The following DGKI variants were observed in gnomAD, a reference collection of about 807,000 sequenced individuals.
The protein encoded by DGKI is DAG kinase iota.
In DGKI, 55 loss-of-function variants were observed where a neutral mutation model predicts 147.5. The observed-to-expected ratio is 0.37, with a 90% CI of 0.30 to 0.47. The LOEUF (loss-of-function observed/expected upper bound fraction) is 0.47. Among genes scored for constraint, DGKI ranks in the 20% least tolerant of loss-of-function variants. The probability of loss-of-function intolerance (pLI) is 1.00; values close to 1 mark genes in which losing one functional copy is unlikely to be tolerated. For synonymous variants in DGKI, 469 were observed against 477.1 expected (o/e 0.98, Z 0.22); for missense variants, 1,007 against 1,323.8 (o/e 0.76, Z 3.71).
At chr7:137,632,084 G>A (rs1821140973) in intron 6 of DGKI, among the ~76,000 whole-genome samples, 1 of 152,206 alleles carries the variant, frequency 6.6e-6, no homozygotes, top group African/African-American at 2.4e-5. Flanking sequence ...CAAAGTGGGT[G>A]CACTTACTGT....
chr7:137,407,741 G>A lies in DGKI; in HGVS notation c.2920+134C>T, dbSNP rs954609544. The A allele has an allele frequency of 2.6e-6, 3 of 1,147,598 alleles. No individual in the cohort carries two copies. The South Asian group carries it at 4.3e-5, about 17-fold the overall frequency. 71.1% of individuals were successfully genotyped at this position (1,147,598 alleles called of 1,614,324 possible). A position where few individuals can be genotyped will look rare whatever the true frequency, so the allele number is the denominator to read the frequency against. ...CCACGACTGCCTCAAATAAGCAGGGGCAGAGTCTGCTAAAAGTTCGAGAGT... is the reference window on the plus strand; with the variant it reads ...CCACGACTGCCTCAAATAAGCAGGGACAGAGTCTGCTAAAAGTTCGAGAGT... On this transcript the variant is annotated intron_variant, in intron 30 of 32. Transcript: ENST00000614521.
At chr7:137,537,408 T>C (rs562848788) in intron 20 of DGKI, among the ~76,000 whole-genome samples, 69 of 152,268 alleles carry the variant, frequency 4.5e-4, no homozygotes, top group African/African-American at 1.6e-3. Flanking sequence ...CTGCTTTTTT[T>C]CCCTTTTTAG....
intron 1 of DGKI, among the ~76,000 whole-genome samples, chr7:137,765,125 G>C (rs929167698): frequency 6.6e-6 from 1 of 152,170 alleles, no homozygotes; most frequent in African/African-American, 2.4e-5. Flanking sequence ...CATTGAAGAG[G>C]GGTGTTACTT....
At chr7:137,480,601 T>C in intron 23 of DGKI, among the ~76,000 whole-genome samples, 1 of 152,064 alleles carries the variant, frequency 6.6e-6, no homozygotes, top group East Asian at 1.9e-4. Context: ...AGGTTGTTTT[T>C]TTTTTTCTTA....
intron 1 of DGKI, among the ~76,000 whole-genome samples, chr7:137,706,047 A>C (rs1234906932): frequency 6.6e-6 from 1 of 152,158 alleles, no homozygotes; most frequent in Admixed American, 6.5e-5. Context: ...GTCTATGCTA[A>C]TTTTAATAGT....
intron 1 of DGKI, among the ~76,000 whole-genome samples, chr7:137,690,236 T>C (rs1420820959): frequency 6.6e-6 from 1 of 152,052 alleles, no homozygotes; most frequent in African/African-American, 2.4e-5. Flanking sequence ...AAATAGTGCT[T>C]CAGAACCAAA....
At chr7:137,582,039 C>A in intron 14 of DGKI, 111 bp from the exon 15 acceptor site, 1 of 708,346 alleles carries the variant, frequency 1.4e-6, no homozygotes. Context: ...GGAGACAGAT[C>A]AGCCACAACT....
chr7:137,458,855 TA>T (rs1235987781), intron 27 of DGKI, among the ~76,000 whole-genome samples: 2 of 152,200 alleles, frequency 1.3e-5, no homozygotes, highest in Non-Finnish European at 2.9e-5. Flanking sequence ...CATGTCATTT[TA>T]AATAGAACTT....
intron 18 of DGKI, among the ~76,000 whole-genome samples, chr7:137,571,640 T>C (rs1818797142): frequency 1.3e-5 from 2 of 152,006 alleles, no homozygotes; most frequent in South Asian, 2.1e-4. Flanking sequence ...TGCATGCCAG[T>C]AGAAAAGAGA....
intron 5 of DGKI, among the ~76,000 whole-genome samples, chr7:137,648,460 A>G (rs1821910340): frequency 6.6e-6 from 1 of 152,228 alleles, no homozygotes; most frequent in African/African-American, 2.4e-5. Flanking sequence ...CCTTCTTCCC[A>G]GGAGGTATGT....
intron 6 of DGKI, among the ~76,000 whole-genome samples, chr7:137,643,841 C>CCCA (rs1230369257): frequency 6.6e-6 from 1 of 152,154 alleles, no homozygotes; most frequent in Non-Finnish European, 1.5e-5. Context: ...TAAAATCCCT[C>CCCA]CCACTCCATT....
chr7:137,728,630 A>G (rs1173897493), intron 1 of DGKI, among the ~76,000 whole-genome samples: 2 of 152,036 alleles, frequency 1.3e-5, no homozygotes, highest in Non-Finnish European at 2.9e-5. Context: ...CTGCCAGTGA[A>G]ACCTAACTAT....
Position 137,667,675 on chromosome 7 carries a change from G to A in DGKI, c.606+10882C>T, listed in dbSNP as rs1396167375. ...GGAATACTGTATTTCTAGTTAAGAA[G>A]CGATATCAAGCTGTGGTAAGTTAGT... On this transcript the variant is annotated intron_variant, in intron 3 of 32. Coordinates refer to ENST00000614521, the MANE Select transcript of DGKI (RefSeq NM_001321708.2). 3.9e-5 allele frequency among the ~76,000 whole-genome samples: 6 copies of A among 152,240 alleles called. 1 individual carries two copies. Among genetic ancestry groups the A allele is most frequent in the African/African-American group, 1.4e-4 (6 of 41,526 alleles).
Position 137,617,124 on chromosome 7 carries a change from CAAAAA to C in DGKI, c.993+2695_993+2699del, listed in dbSNP as rs60654879. Among the ~76,000 whole-genome samples the C allele has an allele frequency of 4.3e-3, 205 of 48,134 alleles. 2 individuals carry two copies. The highest frequency in any genetic ancestry group is 0.01 in the African/African-American group (194 of 18,784). 31.6% of individuals were successfully genotyped at this position (48,134 alleles called of 152,430 possible). ...TGTACTGCCAGTGTATCCCTTTTAC[CAAAAA>C]AAAAAAAAAAAAAAAAAAAAAAAAT... On this transcript the variant is annotated intron_variant, in intron 8 of 32. Transcript: ENST00000614521.
At chr7:137,435,832 T>A (rs1459442358) in intron 28 of DGKI, among the ~76,000 whole-genome samples, 3 of 152,112 alleles carry the variant, frequency 2.0e-5, no homozygotes, top group Non-Finnish European at 4.4e-5. Context: ...CAGGCTAGAG[T>A]ACAGTGGCAC....
chr7:137,605,956 T>G lies in DGKI; in HGVS notation c.1167+3010A>C, dbSNP rs1021245140. Among the ~76,000 whole-genome samples, 99 of 152,316 alleles carry G rather than the reference T, an allele frequency of 6.5e-4. 1 individual carries two copies. The highest frequency in any genetic ancestry group is 2.3e-3 in the African/African-American group (96 of 41,564). The stretch of plus-strand genomic sequence containing the variant: ...GCACATTTCAAAATAGCTAGAAGAT[T>G]TGACATATTTCAAACACAAAGAAAT... On this transcript the variant is annotated intron_variant, in intron 10 of 32. Coordinates refer to ENST00000614521, the MANE Select transcript of DGKI (RefSeq NM_001321708.2).
chr7:137,784,262 G>A (rs1456847021), intron 1 of DGKI, among the ~76,000 whole-genome samples: 1 of 152,084 alleles, frequency 6.6e-6, no homozygotes, highest in Non-Finnish European at 1.5e-5. Flanking sequence ...TAAATTTAAG[G>A]CAAAGGGGTA....
At chr7:137,793,318 T>TG (rs1270527412) in intron 1 of DGKI, among the ~76,000 whole-genome samples, 1 of 151,766 alleles carries the variant, frequency 6.6e-6, no homozygotes, top group Non-Finnish European at 1.5e-5. Flanking sequence ...TTTTTTTTTT[T>TG]GAGACGGAGT....
At chr7:137,750,067 G>C (rs181063042) in intron 1 of DGKI, among the ~76,000 whole-genome samples, 1 of 152,196 alleles carries the variant, frequency 6.6e-6, no homozygotes, top group South Asian at 2.1e-4. Context: ...GACCCAGTAA[G>C]AGGCAACTGG....
Sources: gnomAD v4.1 joint callset for allele counts (sites outside exome capture counted in the v4.1 genomes callset) on GRCh38, gnomAD v4.1.1 for gene constraint, MANE v1.5 for transcripts, NCBI Gene and HGNC (gene_info 2026-07-23, HGNC 2026-07-21) for gene names.